Variants in PPP2R2C observed in about 807,000 individuals in gnomAD.
PPP2R2C encodes the protein protein phosphatase 2 regulatory subunit Bgamma.
In PPP2R2C, 10 loss-of-function variants were observed where a neutral mutation model predicts 45.3. The observed-to-expected ratio is 0.22, with a 90% CI of 0.14 to 0.37. PPP2R2C has a LOEUF of 0.37. Among genes scored for constraint, PPP2R2C ranks in the 10% least tolerant of loss-of-function variants. The pLI, the probability that PPP2R2C is intolerant of heterozygous loss-of-function variation, is 1.00. For synonymous variants in PPP2R2C, 257 were observed against 245.4 expected, an observed-to-expected ratio of 1.05 and a Z score of -0.44; for missense variants, 308 against 619.7, an observed-to-expected ratio of 0.50 and a Z score of 5.34.
chr4:6,522,257 A>AC (rs1223972355), intron 2 of PPP2R2C, among the ~76,000 whole-genome samples: 1 of 152,088 alleles, frequency 6.6e-6, no homozygotes, highest in Non-Finnish European at 1.5e-5. Context: ...CTTTTCTGAG[A>AC]CCCCAAAATG....
At chr4:6,486,415 T>A (rs1204000923) in intron 2 of PPP2R2C, among the ~76,000 whole-genome samples, 1 of 152,056 alleles carries the variant, frequency 6.6e-6, no homozygotes, top group Non-Finnish European at 1.5e-5. Flanking sequence ...TGTTCATATC[T>A]TCTATTTTCT....
intron 1 of PPP2R2C, among the ~76,000 whole-genome samples, chr4:6,397,488 C>T (rs1717120032): frequency 9.5e-6 from 1 of 105,074 alleles, no homozygotes; most frequent in South Asian, 3.1e-4. Flanking sequence ...CCTCACTGAC[C>T]TCTTTGGGAC....
chr4:6,475,571 G>A (rs1325700246), upstream of PPP2R2C, among the ~76,000 whole-genome samples: 1 of 152,176 alleles, frequency 6.6e-6, no homozygotes, highest in African/African-American at 2.4e-5. Flanking sequence ...TGACTTTCCT[G>A]TTCCTGGAAC....
intron 6 of PPP2R2C, among the ~76,000 whole-genome samples, chr4:6,336,072 G>A (rs558464061): frequency 6.6e-6 from 1 of 152,276 alleles, no homozygotes; most frequent in African/African-American, 2.4e-5. Flanking sequence ...GATCAGGAAG[G>A]AGGGAGGGAG....
chr4:6,328,461 C>G lies in PPP2R2C; in HGVS notation c.1052+801G>C, dbSNP rs930283983. On this transcript the variant is annotated intron_variant, in intron 8 of 8. Coordinates refer to ENST00000382599, the MANE Select transcript of PPP2R2C (RefSeq NM_020416.4). This position sits in a 1 kb window ranked among gnomAD's most constrained non-coding sequence, Gnocchi z 4.4. ...TAGGCTTGTCCATTTCAGAATCTTA[C>G]GCCTGGCAGGACCCTGAGCACAAAG... is the stretch of plus-strand genomic sequence containing the variant. Among the ~76,000 whole-genome samples, 1 of 152,162 alleles carries G rather than the reference C, an allele frequency of 6.6e-6. No homozygotes were observed.
intron 1 of PPP2R2C, among the ~76,000 whole-genome samples, chr4:6,548,648 C>T (rs1725075296): frequency 6.6e-6 from 1 of 152,218 alleles, no homozygotes; most frequent in South Asian, 2.1e-4. Flanking sequence ...TCTCAGCCAA[C>T]CGACAGCAAG....
chr4:6,561,528 T>C (rs1725577557), intron 1 of PPP2R2C, among the ~76,000 whole-genome samples: 1 of 152,092 alleles, frequency 6.6e-6, no homozygotes, highest in African/African-American at 2.4e-5. Flanking sequence ...TCCATATTGT[T>C]TCATGTTTTT....
At chr4:6,416,839 T>C (rs1260773191) in intron 1 of PPP2R2C, among the ~76,000 whole-genome samples, 1 of 152,106 alleles carries the variant, frequency 6.6e-6, no homozygotes, top group Non-Finnish European at 1.5e-5. Context: ...TCCCTGTGTG[T>C]GCCCCAGGGG....
At chr4:6,340,301 C>A (rs564642973) in intron 6 of PPP2R2C, among the ~76,000 whole-genome samples, 2 of 152,268 alleles carry the variant, frequency 1.3e-5, no homozygotes, top group South Asian at 4.1e-4. Context: ...TCAGACACTA[C>A]TGTGGGGTGG....
intron 1 of PPP2R2C, among the ~76,000 whole-genome samples, chr4:6,442,755 C>T (rs1375046826): frequency 3.3e-5 from 5 of 152,216 alleles, no homozygotes; most frequent in East Asian, 1.9e-4. Context: ...AGAGGTTACG[C>T]AACTCACCCC....
chr4:6,389,503 C>T (rs567989310), intron 1 of PPP2R2C, among the ~76,000 whole-genome samples: 58 of 152,270 alleles, frequency 3.8e-4, no homozygotes, highest in African/African-American at 1.4e-3. Context: ...CGCCTGCTGC[C>T]GAAGGGAAAT....
chr4:6,555,342 A>G (rs747089261), intron 1 of PPP2R2C, among the ~76,000 whole-genome samples: 4 of 152,220 alleles, frequency 2.6e-5, no homozygotes, highest in African/African-American at 7.2e-5. Flanking sequence ...GCAATCATTC[A>G]TAACACACCC....
At chr4:6,533,360 A>C (rs1392220544) in intron 2 of PPP2R2C, among the ~76,000 whole-genome samples, 1 of 152,184 alleles carries the variant, frequency 6.6e-6, no homozygotes, top group African/African-American at 2.4e-5. Context: ...CTGTAAAATG[A>C]AACAGCAAAG....
intron 5 of PPP2R2C, among the ~76,000 whole-genome samples, chr4:6,365,442 C>T (rs16838612): frequency 0.04 from 6,164 of 152,268 alleles, 181 homozygotes; most frequent in African/African-American, 0.081. Flanking sequence ...CTACACGGCA[C>T]CAGGCCCCAT....
chr4:6,376,028 G>A (rs1715273327), intron 3 of PPP2R2C, 97 bp from the exon 4 acceptor site: 3 of 963,276 alleles, frequency 3.1e-6, no homozygotes, highest in Non-Finnish European at 4.8e-6. Context: ...GGCACCTCCT[G>A]GGGAAGGAGG....
intron 1 of PPP2R2C, among the ~76,000 whole-genome samples, chr4:6,396,920 C>T (rs116048576): frequency 6.6e-6 from 1 of 151,116 alleles, no homozygotes; most frequent in Non-Finnish European, 1.5e-5. Context: ...TTGACTCCCG[C>T]GCACTGATGC....
At position 6,507,004 on chromosome 4, in the gene PPP2R2C, A is replaced by G. The variant is rs369303421; in HGVS notation, c.49+28267T>C. ...CCGGATGGAAGCTCCATGGCTTCTT[A>G]TGATGCAGCCTCAGACATCCTAGGA... On this transcript the variant is annotated intron_variant, in intron 2 of 9. Coordinates refer to the PPP2R2C transcript ENST00000506140. 1.2e-4 allele frequency among the ~76,000 whole-genome samples: 19 copies of G among 152,316 alleles called. No homozygotes were observed. The East Asian group carries it at 1.9e-3, about 15-fold the overall frequency.
At chr4:6,436,841 G>A (rs1719921183) in intron 1 of PPP2R2C, among the ~76,000 whole-genome samples, 1 of 152,238 alleles carries the variant, frequency 6.6e-6, no homozygotes, top group Non-Finnish European at 1.5e-5. Context: ...AGGTGGGTCA[G>A]ATTAGCATGT....
At chr4:6,413,057 C>CTT (rs1319484432) in intron 1 of PPP2R2C, among the ~76,000 whole-genome samples, 3 of 152,204 alleles carry the variant, frequency 2.0e-5, no homozygotes, top group Non-Finnish European at 2.9e-5. Context: ...AAGATAGACT[C>CTT]TAACAGTATC....
Sources: allele counts gnomAD v4.1 joint callset (sites outside exome capture counted in the v4.1 genomes callset), GRCh38; gene constraint gnomAD v4.1.1; non-coding constraint Gnocchi (gnomAD v3.1); transcripts MANE v1.5; gene names NCBI Gene and HGNC (gene_info 2026-07-23, HGNC 2026-07-21).